The following FAM184A variants were observed in gnomAD, a reference collection of about 807,000 sequenced individuals.
FAM184A encodes protein FAM184A.
Under a neutral mutation model 143.8 loss-of-function variants are expected in FAM184A, and 99 were observed. The observed-to-expected ratio is 0.69, with a 90% confidence interval of 0.58 to 0.81. FAM184A has a LOEUF of 0.81. Among genes scored for constraint, FAM184A ranks in the 40% least tolerant of loss-of-function variants. The probability of loss-of-function intolerance (pLI) is 0.00; values close to 1 mark genes in which losing one functional copy is unlikely to be tolerated. For synonymous variants in FAM184A, 427 were observed against 446.4 expected (o/e 0.96, Z 0.55); for missense variants, 1,217 against 1,310.5 (o/e 0.93, Z 1.10).
intron 1 of FAM184A, among the ~76,000 whole-genome samples, chr6:119,136,418 T>G (rs925839708): frequency 7.2e-5 from 11 of 152,162 alleles, no homozygotes; most frequent in African/African-American, 1.9e-4. Flanking sequence ...TGTGTATGTA[T>G]TTTAGTTGCA....
In FAM184A at chr6:119,020,479, G is replaced by A. The variant is rs1050421264; in HGVS notation, c.1151-320C>T. Among the ~76,000 whole-genome samples, 77 of 151,888 alleles carry A rather than the reference G, an allele frequency of 5.1e-4. 1 individual carries two copies. Among genetic ancestry groups the A allele is most frequent in the African/African-American group, 1.8e-3 (74 of 41,292 alleles). On this transcript the variant is annotated intron_variant, in intron 3 of 17. Transcript: ENST00000338891. ...GCAAGCTAAACAGGTTGAAGTAGGC[G>A]CAACTCCTCAGTAGGCTTCATAAGA...
intron 14 of FAM184A, among the ~76,000 whole-genome samples, chr6:118,972,316 G>A (rs1783720790): frequency 6.6e-6 from 1 of 152,178 alleles, no homozygotes; most frequent in Non-Finnish European, 1.5e-5. Flanking sequence ...GCATTCAAGA[G>A]CCATTTTTAG....
chr6:119,088,753 C>T (rs1788292573), intron 1 of FAM184A, among the ~76,000 whole-genome samples: 1 of 152,164 alleles, frequency 6.6e-6, no homozygotes. Context: ...CTCAGAATCA[C>T]TATAGACTGT....
intron 4 of FAM184A, among the ~76,000 whole-genome samples, chr6:119,018,307 T>C (rs1785333635): frequency 6.6e-6 from 1 of 152,220 alleles, no homozygotes; most frequent in Admixed American, 6.5e-5. Flanking sequence ...TTCTCTCATT[T>C]AATTCTTACA....
At chr6:119,107,620 C>T (rs1054430403) in intron 1 of FAM184A, among the ~76,000 whole-genome samples, 36 of 151,790 alleles carry the variant, frequency 2.4e-4, no homozygotes, top group African/African-American at 6.1e-4. Flanking sequence ...CTAAACAAAA[C>T]AAAATAAATT....
chr6:118,999,674 T>C (rs1784686162), intron 9 of FAM184A, among the ~76,000 whole-genome samples: 1 of 152,230 alleles, frequency 6.6e-6, no homozygotes, highest in African/African-American at 2.4e-5. Flanking sequence ...TTTATACTCC[T>C]GACCAGTTGT....
At chr6:119,103,623 T>C (rs1175424910) in intron 1 of FAM184A, among the ~76,000 whole-genome samples, 2 of 148,706 alleles carry the variant, frequency 1.3e-5, no homozygotes, top group South Asian at 2.2e-4. Flanking sequence ...GAAAACAAAA[T>C]ATTTTTAAAA....
chr6:119,107,777 CAAA>C (rs71556825), intron 1 of FAM184A, among the ~76,000 whole-genome samples: 1 of 100,836 alleles, frequency 9.9e-6, no homozygotes, highest in Non-Finnish European at 1.9e-5. Flanking sequence ...GACTTTGTCT[CAAA>C]AAAAAAAAAA....
chr6:118,960,674 T>C (rs2114524809), intron 17 of FAM184A: 2 of 511,842 alleles, frequency 3.9e-6, no homozygotes, highest in Non-Finnish European at 6.5e-6. Context: ...ACTAAAAATA[T>C]AATTTCCCCC....
intron 1 of FAM184A, among the ~76,000 whole-genome samples, chr6:119,118,160 G>A (rs1252356945): frequency 6.6e-6 from 1 of 152,148 alleles, no homozygotes; most frequent in Non-Finnish European, 1.5e-5. Context: ...CCACAATCAA[G>A]GATAATTCTT....
intron 1 of FAM184A, among the ~76,000 whole-genome samples, chr6:119,040,907 A>G (rs1252789134): frequency 6.6e-6 from 1 of 152,120 alleles, no homozygotes; most frequent in Non-Finnish European, 1.5e-5. Context: ...TTATGTTTGA[A>G]CTTTTGTTCC....
chr6:119,110,498 G>A (rs773260048), intron 1 of FAM184A, among the ~76,000 whole-genome samples: 1 of 152,008 alleles, frequency 6.6e-6, no homozygotes, highest in Non-Finnish European at 1.5e-5. Flanking sequence ...GGTACACGGT[G>A]GCCTAATCAA....
chr6:119,114,184 T>C (rs1031603816), intron 1 of FAM184A, among the ~76,000 whole-genome samples: 3 of 152,212 alleles, frequency 2.0e-5, no homozygotes, highest in Non-Finnish European at 4.4e-5. Flanking sequence ...CCCATATTGC[T>C]ATTATCTCTC....
chr6:119,113,747 C>A (rs1046701028), intron 1 of FAM184A, among the ~76,000 whole-genome samples: 4 of 152,086 alleles, frequency 2.6e-5, no homozygotes, highest in Non-Finnish European at 4.4e-5. Context: ...TCGAGCCAGC[C>A]TGGCCAACAT....
intron 4 of FAM184A, among the ~76,000 whole-genome samples, chr6:119,017,759 A>G (rs554923290): frequency 7.2e-5 from 11 of 152,164 alleles, no homozygotes; most frequent in Admixed American, 1.3e-4. Flanking sequence ...GTGACCTCCA[A>G]TGTTGGAGAT....
chr6:118,984,018 C>T (rs113058828), intron 9 of FAM184A, among the ~76,000 whole-genome samples: 3,549 of 150,086 alleles, frequency 0.024, 163 homozygotes, highest in African/African-American at 0.082. Context: ...GGAGTGGTGG[C>T]GGGCGCCTGT....
intron 1 of FAM184A, among the ~76,000 whole-genome samples, chr6:119,135,759 C>A (rs1415036084): frequency 6.6e-6 from 1 of 152,088 alleles, no homozygotes; most frequent in Non-Finnish European, 1.5e-5. Context: ...AAGCTCAGAT[C>A]CATACTTCAC....
intron 4 of FAM184A, among the ~76,000 whole-genome samples, chr6:119,017,796 T>C (rs1785312193): frequency 6.6e-6 from 1 of 152,204 alleles, no homozygotes; most frequent in Admixed American, 6.5e-5. Context: ...GTCTGGATCA[T>C]GGGGGTAAAT....
chr6:119,056,359 C>T (rs1286535887), intron 1 of FAM184A, among the ~76,000 whole-genome samples: 3 of 152,078 alleles, frequency 2.0e-5, no homozygotes, highest in Non-Finnish European at 2.9e-5. Context: ...ACACGTAGTA[C>T]TGAGGTCATA....
Sources: gnomAD v4.1 joint callset for allele counts (sites outside exome capture counted in the v4.1 genomes callset) on GRCh38, gnomAD v4.1.1 for gene constraint, MANE v1.5 for transcripts, NCBI Gene and HGNC (gene_info 2026-07-23, HGNC 2026-07-21) for gene names.